Variants in USP14 observed in about 807,000 individuals in gnomAD.
The protein encoded by USP14 is ubiquitin specific peptidase 14.
USP14 carries 38 observed loss-of-function variants against 76.5 expected under a neutral mutation model. That is an observed-to-expected ratio of 0.50 (90% CI 0.38 to 0.65). The LOEUF (loss-of-function observed/expected upper bound fraction) is 0.65, where lower values mean the gene tolerates loss of function less well. Among genes scored for constraint, USP14 ranks in the 30% least tolerant of loss-of-function variants. The pLI, the probability that USP14 is intolerant of heterozygous loss-of-function variation, is 0.00. For missense variants in USP14, 467 were observed against 586.5 expected (o/e 0.80, Z 2.10); for synonymous variants, 192 against 191.7 (o/e 1.00, Z -0.01).
intron 6 of USP14, among the ~76,000 whole-genome samples, 159 bp downstream of exon 6, chr18:193,059 C>T (rs988640056): frequency 6.6e-6 from 1 of 152,094 alleles, no homozygotes; most frequent in Non-Finnish European, 1.5e-5. Context: ...CTTATTTTAT[C>T]GTCCAGATTA....
intron 3 of USP14, among the ~76,000 whole-genome samples, chr18:174,035 G>A (rs1909552264): frequency 6.6e-6 from 1 of 151,986 alleles, no homozygotes; most frequent in Admixed American, 6.6e-5. Flanking sequence ...TGGCTATTCT[G>A]GGAACTTTGT....
intron 5 of USP14, among the ~76,000 whole-genome samples, chr18:187,460 A>T (rs1450787173): frequency 6.6e-6 from 1 of 152,180 alleles, no homozygotes; most frequent in Non-Finnish European, 1.5e-5. Flanking sequence ...AAATGGATAT[A>T]TAGTGGGAGT....
intron 5 of USP14, among the ~76,000 whole-genome samples, chr18:185,591 T>C (rs1909907182): frequency 6.6e-6 from 1 of 152,178 alleles, no homozygotes; most frequent in Non-Finnish European, 1.5e-5. Flanking sequence ...CTAGGGGATA[T>C]GTTCATTGAG....
At chr18:177,421 CT>C (rs1660571915) in intron 3 of USP14, among the ~76,000 whole-genome samples, 1 of 121,954 alleles carries the variant, frequency 8.2e-6, no homozygotes, top group Non-Finnish European at 1.6e-5. Context: ...GTCCCTGTCT[CT>C]AAAAAAAAAA....
chr18:209,964 TCCTCAGAG>T lies in USP14; in HGVS notation c.1165-6_1166del. On this transcript the variant is annotated splice_acceptor_variant and splice_polypyrimidine_tract_variant and coding_sequence_variant and intron_variant, in exon 14 of 16. Coordinates refer to ENST00000261601, the MANE Select transcript of USP14 (RefSeq NM_005151.4). LOFTEE classifies it high-confidence loss of function. Reference sequence around the variant, plus strand: ...TGATTTAAAATTAAACATTTTTTTCTCCTCAGAGTGACAAAAAGAGTAGTCCCCAGAAA... The same window carrying T: ...TGATTTAAAATTAAACATTTTTTTCTTGACAAAAAGAGTAGTCCCCAGAAA... The T allele has an allele frequency of 6.3e-7, 1 of 1,581,566 alleles. No individual in the cohort carries two copies.
intron 2 of USP14, 90 bp from the exon 3 acceptor site, chr18:166,697 G>T: frequency 7.0e-7 from 1 of 1,421,934 alleles, no homozygotes; most frequent in Non-Finnish European, 9.6e-7. Flanking sequence ...ATTTTATTCT[G>T]TTTTGAAGTA....
Position 171,052 on chromosome 18 carries a change from A to T in USP14, c.195+4233A>T, listed in dbSNP as rs1026932961. On this transcript the variant is annotated intron_variant, in intron 3 of 15. Coordinates refer to ENST00000261601, the MANE Select transcript of USP14 (RefSeq NM_005151.4). ...TATATATATATATATATATATATAT[A>T]TATAAACTGAAGCTAGCAGAAGTTG... 2.9e-5 allele frequency among the ~76,000 whole-genome samples: 4 copies of T among 140,302 alleles called. No homozygotes were observed. The East Asian group carries it at 8.7e-4, about 31-fold the overall frequency. The allele number at this position is 140,302 out of a possible 152,430, so 92.0% of individuals were successfully genotyped here. A position where few individuals can be genotyped will look rare whatever the true frequency, so the allele number is the denominator to read the frequency against.
intron 5 of USP14, among the ~76,000 whole-genome samples, chr18:190,286 G>C (rs1173947362): frequency 7.2e-5 from 11 of 152,126 alleles, no homozygotes; most frequent in Admixed American, 2.0e-4. Flanking sequence ...ATTTGTTTCT[G>C]TTGGGTATAT....
intron 10 of USP14, among the ~76,000 whole-genome samples, chr18:200,359 G>T (rs747397089): frequency 1.2e-4 from 19 of 152,192 alleles, no homozygotes; most frequent in Non-Finnish European, 2.4e-4. Context: ...AGGACACTTT[G>T]GTGGAGAGTG....
In USP14 at chr18:211,985, G is replaced by A. The variant is rs553192331; in HGVS notation, c.*701G>A. The A allele has an allele frequency of 4.6e-5, 7 of 152,182 alleles. No individual in the cohort carries two copies. The East Asian group carries it at 5.8e-4, about 13-fold the overall frequency. The allele number at this position is 152,182 out of a possible 1,614,324, so 9.4% of individuals were successfully genotyped here. ...ATCAGTCTTAAGAAAATGTTGACAAGCTCTGGTTGCTTATTTTTAGAAAAT... is the reference window on the plus strand; with the variant it reads ...ATCAGTCTTAAGAAAATGTTGACAAACTCTGGTTGCTTATTTTTAGAAAAT... On this transcript the variant is annotated 3_prime_UTR_variant, in exon 16 of 16. Coordinates refer to ENST00000261601, the MANE Select transcript of USP14 (RefSeq NM_005151.4).
At chr18:160,587 A>T (rs1176838720) in intron 1 of USP14, among the ~76,000 whole-genome samples, 2 of 152,210 alleles carry the variant, frequency 1.3e-5, no homozygotes, top group African/African-American at 4.8e-5. Flanking sequence ...GCTTTGTTTT[A>T]ATCTTCAACG....
chr18:158,889 G>A (rs1909032693), intron 1 of USP14, 175 bp downstream of exon 1: 3 of 1,068,552 alleles, frequency 2.8e-6, no homozygotes, highest in South Asian at 7.9e-5. Context: ...CTGGGTCGGA[G>A]CCCTGCGTGG....
At chr18:173,160 G>A (rs566237716) in intron 3 of USP14, among the ~76,000 whole-genome samples, 2 of 150,932 alleles carry the variant, frequency 1.3e-5, no homozygotes, top group Non-Finnish European at 1.5e-5. Flanking sequence ...CCAGGCTGGA[G>A]TGCAGTGGCA....
At chr18:188,520 T>C (rs963411308) in intron 5 of USP14, among the ~76,000 whole-genome samples, 45 of 150,892 alleles carry the variant, frequency 3.0e-4, no homozygotes, top group Non-Finnish European at 5.0e-4. Context: ...TTTTTTTTTT[T>C]TTTTTCCTTT....
chr18:174,272 T>TC (rs1909561665), intron 3 of USP14, among the ~76,000 whole-genome samples: 1 of 105,212 alleles, frequency 9.5e-6, no homozygotes, highest in African/African-American at 2.9e-5. Flanking sequence ...TTCTTTCTTT[T>TC]TTTTTTTTTT....
Position 176,811 on chromosome 18 carries a change from A to C in USP14, c.196-2122A>C, listed in dbSNP as rs149818369. ...TTAATTGTTGTTGTGGTATGGTATG[A>C]AGTAGAGAGCTGATAGTATGTTTTT... is the stretch of plus-strand genomic sequence containing the variant. On this transcript the variant is annotated intron_variant, in intron 3 of 15. Transcript: ENST00000261601. Among the ~76,000 whole-genome samples, 54 of 152,142 alleles carry C rather than the reference A, an allele frequency of 3.5e-4. No individual in the cohort carries two copies. The East Asian group carries it at 0.01, about 29-fold the overall frequency.
At chr18:185,846 A>G (rs748834034) in intron 5 of USP14, among the ~76,000 whole-genome samples, 1 of 146,984 alleles carries the variant, frequency 6.8e-6, no homozygotes, top group African/African-American at 2.5e-5. Flanking sequence ...GGCATGCACC[A>G]CTATGCCCAG....
intron 5 of USP14, among the ~76,000 whole-genome samples, chr18:181,764 C>T (rs1204402100): frequency 6.6e-6 from 1 of 151,736 alleles, no homozygotes; most frequent in Non-Finnish European, 1.5e-5. Flanking sequence ...TTTCTTTTAT[C>T]ACATATGCTT....
At chr18:164,840 T>C (rs1353604932) in intron 2 of USP14, among the ~76,000 whole-genome samples, 1 of 152,196 alleles carries the variant, frequency 6.6e-6, no homozygotes, top group African/African-American at 2.4e-5. Context: ...AGAAACCTAA[T>C]TTTTGTCTTT....
Sources: allele counts gnomAD v4.1 joint callset (sites outside exome capture counted in the v4.1 genomes callset), GRCh38; gene constraint gnomAD v4.1.1; transcripts MANE v1.5; gene names NCBI Gene and HGNC (gene_info 2026-07-23, HGNC 2026-07-21).